TNFAIP8L3: variants seen among roughly 807,000 people sequenced by gnomAD.
The protein encoded by TNFAIP8L3 is tumor necrosis factor alpha-induced protein 8-like protein 3.
In TNFAIP8L3, 7 loss-of-function variants were observed where a neutral mutation model predicts 11.8. The observed-to-expected ratio is 0.59, with a 90% CI of 0.34 to 1.11. The LOEUF (loss-of-function observed/expected upper bound fraction) is 1.11, where lower values mean the gene tolerates loss of function less well. Among genes scored for constraint, TNFAIP8L3 ranks in the 50% most tolerant of loss-of-function variants. TNFAIP8L3 has a pLI of 0.03. For missense variants in TNFAIP8L3, 219 were observed against 258.6 expected, an observed-to-expected ratio of 0.85 and a Z score of 1.05; for synonymous variants, 98 against 103.8, an observed-to-expected ratio of 0.94 and a Z score of 0.34.
intron 1 of TNFAIP8L3, among the ~76,000 whole-genome samples, chr15:51,065,243 G>A (rs1290727599): frequency 6.6e-6 from 1 of 152,110 alleles, no homozygotes; most frequent in Non-Finnish European, 1.5e-5. Context: ...TTACAAGAAA[G>A]GAAACACACC....
At chr15:51,096,518 G>A (rs1404394876), upstream of TNFAIP8L3, among the ~76,000 whole-genome samples, 3 of 152,116 alleles carry the variant, frequency 2.0e-5, no homozygotes, top group Non-Finnish European at 4.4e-5. Context: ...TTTGATAACT[G>A]GAAAGAACAC....
intron 1 of TNFAIP8L3, among the ~76,000 whole-genome samples, chr15:51,085,887 T>G (rs988918237): frequency 1.3e-5 from 2 of 152,222 alleles, no homozygotes; most frequent in African/African-American, 4.8e-5. Context: ...TTTTCTTCCT[T>G]GTACTGTTTT....
At position 51,057,888 on chromosome 15, in the gene TNFAIP8L3, A is replaced by G. The variant is rs950627999; in HGVS notation, c.608T>C (p.Val203Ala). ...EGINKLLDEKVL is the reference protein window; with the variant it reads ...EGINKLLDEKAL ...CAGTAGGAGGGAAGGCATTTAAAGG[A>G]CTTTCTCATCTAGCAACTTATTGAT... The change falls in exon 2 of 2, where the codon GTC becomes GCC. Residue 203 changes from valine to alanine, a missense_variant. By Grantham distance (64) the Val-to-Ala change is moderately conservative (BLOSUM62 0). Coordinates refer to ENST00000637513, the MANE Select transcript of TNFAIP8L3 (RefSeq NM_001311175.2). 17 of 1,574,166 alleles carry G rather than the reference A, an allele frequency of 1.1e-5. No homozygotes were observed. Among genetic ancestry groups the G allele is most frequent in the Non-Finnish European group, 1.3e-5 (15 of 1,160,326 alleles).
rs1258875240 is a variant in TNFAIP8L3 at position 51,094,750 on chromosome 15, C to CGGCTCCGCAGAGGCG, written c.-170_-156dup. On this transcript the variant is annotated 5_prime_UTR_variant, in exon 1 of 2. Coordinates refer to ENST00000637513, the MANE Select transcript of TNFAIP8L3 (RefSeq NM_001311175.2). This position sits in a 1 kb window ranked among gnomAD's most constrained non-coding sequence, Gnocchi z 4.4. Reference sequence around the variant, plus strand: ...GTGCGCGGCGGCAGCGGCCAGGGGGCGGCTCCGCAGAGGCGAGCGCCGCCG... The same window carrying CGGCTCCGCAGAGGCG: ...GTGCGCGGCGGCAGCGGCCAGGGGGCGGCTCCGCAGAGGCGGGCTCCGCAGAGGCGAGCGCCGCCG... 7.4e-6 allele frequency: 7 copies of CGGCTCCGCAGAGGCG among 951,410 alleles called. No individual in the cohort carries two copies. Among genetic ancestry groups the CGGCTCCGCAGAGGCG allele is most frequent in the Non-Finnish European group, 8.6e-6 (7 of 812,632 alleles). The allele number at this position is 951,410 out of a possible 1,614,324, so 58.9% of individuals were successfully genotyped here. A position where few individuals can be genotyped will look rare whatever the true frequency, so the allele number is the denominator to read the frequency against.
rs563753030 is a variant in TNFAIP8L3 at position 51,100,388 on chromosome 15, A to T, written c.172+4617T>A. On this transcript the variant is annotated intron_variant, in intron 1 of 2. Transcript: ENST00000327536. ...CCCTTGGCTCTAGTTTATTCTACTT[A>T]TTTTTTTTTTTTAAAGACAACAACA... is the stretch of plus-strand genomic sequence containing the variant. Among the ~76,000 whole-genome samples, 88 of 147,678 alleles carry T rather than the reference A, an allele frequency of 6.0e-4. 1 individual carries two copies. The highest frequency in any genetic ancestry group is 1.1e-3 in the Non-Finnish European group (76 of 66,662).
chr15:51,086,493 C>T (rs1282751053), intron 1 of TNFAIP8L3, among the ~76,000 whole-genome samples: 3 of 152,208 alleles, frequency 2.0e-5, no homozygotes, highest in Non-Finnish European at 2.9e-5. Context: ...TTCTGGGAAC[C>T]GTGGGAGCTG....
At chr15:51,064,964 C>T (rs763908614) in intron 1 of TNFAIP8L3, 6 of 152,180 alleles carry the variant, frequency 3.9e-5, no homozygotes, top group Non-Finnish European at 8.8e-5. Context: ...AAAACTTCTC[C>T]TTCTGTATAC....
chr15:51,090,002 A>G (rs1225160184), intron 1 of TNFAIP8L3, among the ~76,000 whole-genome samples: 1 of 152,258 alleles, frequency 6.6e-6, no homozygotes, highest in African/African-American at 2.4e-5. Flanking sequence ...GAACCTAGCA[A>G]TGAGAATCAA....
At chr15:51,069,230 C>T (rs1181823160) in intron 1 of TNFAIP8L3, among the ~76,000 whole-genome samples, 1 of 152,206 alleles carries the variant, frequency 6.6e-6, no homozygotes, top group Non-Finnish European at 1.5e-5. Context: ...AGAGCTTTGG[C>T]TTTGCAGTTG....
chr15:51,082,753 A>T (rs1055478394), intron 1 of TNFAIP8L3, among the ~76,000 whole-genome samples: 2 of 151,956 alleles, frequency 1.3e-5, no homozygotes, highest in African/African-American at 4.8e-5. Flanking sequence ...TACTTTTTAA[A>T]CTTTTTTGTT....
At chr15:51,105,061 G>A (rs748778783) in exon 1 of TNFAIP8L3, 93 of 1,614,018 alleles carry the variant, frequency 5.8e-5, no homozygotes, top group Non-Finnish European at 2.9e-5. Context: ...TGTTTGTAAC[G>A]TGGCATCCCT....
chr15:51,099,436 A>G (rs899833255), upstream of TNFAIP8L3, among the ~76,000 whole-genome samples: 2 of 152,088 alleles, frequency 1.3e-5, no homozygotes, highest in African/African-American at 4.8e-5. Context: ...GGAGAGGGAA[A>G]TTGAGAAGGA....
intron 1 of TNFAIP8L3, among the ~76,000 whole-genome samples, chr15:51,075,473 G>A (rs2065343425): frequency 6.6e-6 from 1 of 152,068 alleles, no homozygotes; most frequent in Admixed American, 6.6e-5. Context: ...GGAGCTGTCG[G>A]GCTTGGAATA....
At chr15:51,103,561 C>A (rs1248102845) in intron 1 of TNFAIP8L3, among the ~76,000 whole-genome samples, 1 of 152,184 alleles carries the variant, frequency 6.6e-6, no homozygotes, top group African/African-American at 2.4e-5. Context: ...GAAGCTCTTT[C>A]AGGATAACAT....
chr15:51,078,970 C>T (rs2065373917), intron 1 of TNFAIP8L3, among the ~76,000 whole-genome samples: 1 of 152,178 alleles, frequency 6.6e-6, no homozygotes, highest in Non-Finnish European at 1.5e-5. Context: ...GTTCTATTTT[C>T]CACACCAGGC....
rs2065216838 is a variant in TNFAIP8L3 at position 51,057,965 on chromosome 15, G to A, written c.531C>T (p.Leu177=). The A allele has an allele frequency of 1.2e-6, 2 of 1,613,982 alleles. No individual in the cohort carries two copies. The highest frequency in any genetic ancestry group is 1.3e-5 in the African/African-American group (1 of 74,920). ...HFADVEFLST[L]YSLDGDCRPN... is the part of the protein sequence containing the mutation. Reference sequence around the variant, plus strand: ...GCCTACAGTCTCCATCCAGACTATAGAGGGTGGAGAGGAACTCCACATCGG... The same window carrying A: ...GCCTACAGTCTCCATCCAGACTATAAAGGGTGGAGAGGAACTCCACATCGG... Residue 177 remains leucine (L), a synonymous_variant, in exon 2 of 2, where the codon CTC becomes CTT. Transcript: ENST00000637513.
At position 51,094,601 on chromosome 15, in the gene TNFAIP8L3, G is replaced by A. The variant is rs766346455; in HGVS notation, c.-6C>T. 6.7e-7 allele frequency: 1 copy of A among 1,483,948 alleles called. No individual in the cohort carries two copies. Among genetic ancestry groups the A allele is most frequent in the Non-Finnish European group, 8.9e-7 (1 of 1,121,294 alleles). 91.9% of individuals were successfully genotyped at this position (1,483,948 alleles called of 1,614,324 possible). A position where few individuals can be genotyped will look rare whatever the true frequency, so the allele number is the denominator to read the frequency against. On this transcript the variant is annotated 5_prime_UTR_variant, in exon 1 of 2. Transcript: ENST00000637513. This position sits in a 1 kb window ranked among gnomAD's most constrained non-coding sequence, Gnocchi z 4.4. ...TCCCCGGAATCCGAATCCATGCTGC[G>A]GGCTGCTGGCTGGGCGTCCACGGCC... is the stretch of plus-strand genomic sequence containing the variant.
rs557188428 is a variant in TNFAIP8L3, at chr15:51,069,053, A to C, written c.53-10610T>G. Reference sequence around the variant, plus strand: ...CTTGGGTGCAATAGGACGGGGGCAGAGGTTGGAAGGATGAAGGAGTGAATT... The same window carrying C: ...CTTGGGTGCAATAGGACGGGGGCAGCGGTTGGAAGGATGAAGGAGTGAATT... On this transcript the variant is annotated intron_variant, in intron 1 of 1. Transcript: ENST00000637513. 1.9e-3 allele frequency among the ~76,000 whole-genome samples: 285 copies of C among 152,256 alleles called. 11 individuals are homozygous for C. The South Asian group carries it at 0.055, about 29-fold the overall frequency.
chr15:51,077,468 C>T (rs1350577036), intron 1 of TNFAIP8L3, among the ~76,000 whole-genome samples: 1 of 152,230 alleles, frequency 6.6e-6, no homozygotes, highest in Admixed American at 6.5e-5. Context: ...CCAAGCACGC[C>T]CTGCTGCCCA....
Sources: allele counts gnomAD v4.1 joint callset (sites outside exome capture counted in the v4.1 genomes callset), GRCh38; gene constraint gnomAD v4.1.1; non-coding constraint Gnocchi (gnomAD v3.1); transcripts MANE v1.5; gene names NCBI Gene and HGNC (gene_info 2026-07-23, HGNC 2026-07-21).